Variants in WDR49 observed in about 807,000 individuals in gnomAD.
The protein encoded by WDR49 is WD repeat domain 49.
In WDR49, 107 loss-of-function variants were observed where a neutral mutation model predicts 119.5. The ratio of observed to expected loss-of-function variants is 0.90; its 90% CI spans 0.77 to 1.05. The LOEUF (loss-of-function observed/expected upper bound fraction) is 1.05, where lower values mean the gene tolerates loss of function less well. Among genes scored for constraint, WDR49 ranks in the 50% least tolerant of loss-of-function variants. WDR49 has a pLI of 0.00. For synonymous variants in WDR49, 425 were observed against 418.8 expected, an observed-to-expected ratio of 1.01 and a Z score of -0.18; for missense variants, 1,240 against 1,220.5, an observed-to-expected ratio of 1.02 and a Z score of -0.24.
chr3:167,589,665 T>G (rs928085773), intron 7 of WDR49, among the ~76,000 whole-genome samples: 3 of 152,050 alleles, frequency 2.0e-5, no homozygotes, highest in African/African-American at 7.2e-5. Context: ...TTGGTTAAGT[T>G]TATTCCTAGA....
At chr3:167,513,874 A>G (rs889595437) in intron 16 of WDR49, among the ~76,000 whole-genome samples, 1 of 152,224 alleles carries the variant, frequency 6.6e-6, no homozygotes, top group Admixed American at 6.5e-5. Context: ...AAGGCATTAC[A>G]TAATGGTAAA....
chr3:167,618,427 A>G (rs1245620115), intron 5 of WDR49, among the ~76,000 whole-genome samples: 2 of 152,206 alleles, frequency 1.3e-5, no homozygotes, highest in Non-Finnish European at 2.9e-5. Flanking sequence ...TGATTGATTG[A>G]CACTCAAGTC....
intron 2 of WDR49, among the ~76,000 whole-genome samples, chr3:167,646,884 G>A (rs1485673789): frequency 6.6e-6 from 1 of 152,106 alleles, no homozygotes; most frequent in Non-Finnish European, 1.5e-5. Context: ...ATGATGAAGG[G>A]AGAAAAGACC....
intron 11 of WDR49, among the ~76,000 whole-genome samples, chr3:167,535,979 G>A (rs1753006315): frequency 6.6e-6 from 1 of 152,070 alleles, no homozygotes. Flanking sequence ...AATAAGCCAG[G>A]CATATAAAGA....
At chr3:167,482,654 G>A (rs1577187405) in intron 18 of WDR49, among the ~76,000 whole-genome samples, 1 of 151,126 alleles carries the variant, frequency 6.6e-6, no homozygotes, top group East Asian at 1.9e-4. Context: ...ACTCCAGCCT[G>A]GGCGACAGAA....
chr3:167,513,232 C>T (rs1294231829), intron 16 of WDR49, among the ~76,000 whole-genome samples: 3 of 152,040 alleles, frequency 2.0e-5, no homozygotes, highest in African/African-American at 7.3e-5. Flanking sequence ...AAAGGGAAGC[C>T]CATCAGACTG....
intron 13 of WDR49, among the ~76,000 whole-genome samples, chr3:167,530,564 A>G (rs1752810610): frequency 6.6e-6 from 1 of 152,008 alleles, no homozygotes; most frequent in African/African-American, 2.4e-5. Context: ...GATATAACCA[A>G]TACTTAAAAA....
chr3:167,603,696 T>G (rs982628169), intron 6 of WDR49, among the ~76,000 whole-genome samples: 3 of 152,210 alleles, frequency 2.0e-5, no homozygotes, highest in African/African-American at 7.2e-5. Context: ...TCAGAATGTC[T>G]AAATTTTTAA....
At chr3:167,634,831 TA>T (rs756968821) in intron 2 of WDR49, among the ~76,000 whole-genome samples, 14 of 151,534 alleles carry the variant, frequency 9.2e-5, no homozygotes, top group Non-Finnish European at 2.1e-4. Context: ...GAAGATAAGT[TA>T]AAAATTAAAA....
chr3:167,504,155 C>A (rs1327686371), intron 17 of WDR49, among the ~76,000 whole-genome samples: 1 of 152,112 alleles, frequency 6.6e-6, no homozygotes, highest in African/African-American at 2.4e-5. Flanking sequence ...GGGGCACTGC[C>A]TAGTGGAGCT....
chr3:167,539,839 C>G (rs1461228522), intron 10 of WDR49, among the ~76,000 whole-genome samples: 1 of 152,140 alleles, frequency 6.6e-6, no homozygotes, highest in Non-Finnish European at 1.5e-5. Flanking sequence ...TGTTCTATCT[C>G]TTCTATTATA....
chr3:167,637,472 G>A (rs1405639662), intron 2 of WDR49, among the ~76,000 whole-genome samples: 1 of 151,628 alleles, frequency 6.6e-6, no homozygotes, highest in Admixed American at 6.6e-5. Context: ...CTTTGGCTAT[G>A]TGGGCTCTTT....
intron 18 of WDR49, among the ~76,000 whole-genome samples, chr3:167,484,995 A>G (rs745526318): frequency 1.6e-4 from 25 of 152,186 alleles, no homozygotes; most frequent in Non-Finnish European, 3.7e-4. Context: ...CATTTACACC[A>G]TGGAATACTA....
chr3:167,600,175 C>T (rs1279477788), intron 7 of WDR49, among the ~76,000 whole-genome samples: 1 of 152,060 alleles, frequency 6.6e-6, no homozygotes, highest in Non-Finnish European at 1.5e-5. Flanking sequence ...GAAGGGGTCT[C>T]TTTCGAAGTT....
At chr3:167,543,938 C>A (rs1359982031) in intron 10 of WDR49, among the ~76,000 whole-genome samples, 2 of 151,756 alleles carry the variant, frequency 1.3e-5, no homozygotes, top group Non-Finnish European at 2.9e-5. Flanking sequence ...GCTCCTAGAT[C>A]AGATAAATGA....
At chr3:167,505,234 G>A in intron 17 of WDR49, 73 bp downstream of exon 17, 1 of 1,308,932 alleles carries the variant, frequency 7.6e-7, no homozygotes, top group Non-Finnish European at 9.8e-7. Flanking sequence ...CTGACACACA[G>A]AGTAGACATT....
chr3:167,551,899 G>A (rs1712596059), intron 10 of WDR49, among the ~76,000 whole-genome samples: 3 of 151,778 alleles, frequency 2.0e-5, no homozygotes, highest in South Asian at 4.2e-4. Flanking sequence ...AAACTAGAGA[G>A]CACAAAGACA....
chr3:167,503,077 A>G (rs577399778), intron 17 of WDR49, among the ~76,000 whole-genome samples: 3 of 152,300 alleles, frequency 2.0e-5, no homozygotes, highest in Admixed American at 6.5e-5. Flanking sequence ...TGTTCTCCAT[A>G]TCCGTGCAGC....
chr3:167,576,503 T>C (rs1714261115), intron 7 of WDR49, among the ~76,000 whole-genome samples: 1 of 152,138 alleles, frequency 6.6e-6, no homozygotes, highest in Admixed American at 6.5e-5. Context: ...GCAAAAGAGA[T>C]TCTGCAGATA....
Sources: allele counts gnomAD v4.1 joint callset (sites outside exome capture counted in the v4.1 genomes callset), GRCh38; gene constraint gnomAD v4.1.1; transcripts MANE v1.5; gene names NCBI Gene and HGNC (gene_info 2026-07-23, HGNC 2026-07-21).